Variants in HEXA observed in about 807,000 individuals in gnomAD.
HEXA encodes hexosaminidase subunit alpha.
Under a neutral mutation model 73.3 loss-of-function variants are expected in HEXA, and 54 were observed. The ratio of observed to expected loss-of-function variants is 0.74; its 90% CI spans 0.59 to 0.92. The LOEUF (loss-of-function observed/expected upper bound fraction) is 0.92. HEXA is among the 40% of genes least tolerant of loss of function. HEXA has a pLI of 0.00. For missense variants in HEXA, 649 were observed against 653.0 expected, an observed-to-expected ratio of 0.99 and a Z score of 0.07; for synonymous variants, 230 against 246.9, an observed-to-expected ratio of 0.93 and a Z score of 0.64.
At chr15:72,351,450 C>A in intron 5 of HEXA, 1 of 614,616 alleles carries the variant, frequency 1.6e-6, no homozygotes, top group Admixed American at 2.6e-5. Context: ...TTTCCCAGAA[C>A]ACATCCAAAG....
chr15:72,363,223 T>G (rs1212674546), intron 1 of HEXA, among the ~76,000 whole-genome samples: 3 of 152,228 alleles, frequency 2.0e-5, no homozygotes, highest in Non-Finnish European at 4.4e-5. Context: ...GGAACTGTGC[T>G]AGGTGCTGGG....
At chr15:72,365,874 A>G (rs576765920) in intron 1 of HEXA, among the ~76,000 whole-genome samples, 8 of 152,238 alleles carry the variant, frequency 5.3e-5, no homozygotes, top group South Asian at 2.1e-4. Flanking sequence ...CCGCCATGTC[A>G]TATCTCTACC....
intron 1 of HEXA, among the ~76,000 whole-genome samples, chr15:72,360,920 T>C (rs765569440): frequency 6.6e-6 from 1 of 152,230 alleles, no homozygotes; most frequent in Non-Finnish European, 1.5e-5. Context: ...GTACCTCCTA[T>C]GTGCTCATGA....
rs76873846 is a variant in HEXA at position 72,350,582 on chromosome 15, C to T, written c.741G>A (p.Arg247=). The T allele has an allele frequency of 3.1e-6, 5 of 1,614,122 alleles. No homozygotes were observed. Among genetic ancestry groups the T allele is most frequent in the East Asian group, 4.5e-5 (2 of 44,886 alleles). Residue 247 remains arginine, a synonymous_variant, in exon 7 of 14, where the codon CGG becomes CGA. Transcript: ENST00000268097. ...CTGCAAGCACACGGATACCCCGGAG[C>T]CGTGCGTATTCAATGACCTCCTTCA... ...QDVKEVIEYA[R]LRGIRVLAEF...
At chr15:72,357,151 A>G in intron 1 of HEXA, 1 of 225,258 alleles carries the variant, frequency 4.4e-6, no homozygotes, top group South Asian at 7.1e-5. Context: ...TCTGGTACAT[A>G]TGCTTCTTAT....
intron 1 of HEXA, chr15:72,357,670 G>C (rs1427365704): frequency 6.6e-6 from 1 of 152,096 alleles, no homozygotes; most frequent in Non-Finnish European, 1.5e-5. Context: ...AGGATGGCCT[G>C]GCAGAAGGCA....
At chr15:72,355,386 C>A in intron 3 of HEXA, 173 bp downstream of exon 3, 1 of 666,710 alleles carries the variant, frequency 1.5e-6, no homozygotes, top group South Asian at 1.5e-5. Flanking sequence ...ATTAGCTGGG[C>A]ATGGTGGCAG....
intron 5 of HEXA, among the ~76,000 whole-genome samples, chr15:72,352,340 G>A (rs2088709608): frequency 6.6e-6 from 1 of 151,490 alleles, no homozygotes; most frequent in Non-Finnish European, 1.5e-5. Flanking sequence ...AGTGACTCAT[G>A]CCTGTAATTC....
chr15:72,364,713 C>T (rs892994933), intron 1 of HEXA, among the ~76,000 whole-genome samples: 1 of 151,978 alleles, frequency 6.6e-6, no homozygotes, highest in African/African-American at 2.4e-5. Context: ...CACATCTTTC[C>T]AACACTAGAA....
chr15:72,353,261 G>T, intron 4 of HEXA, 83 bp from the exon 5 acceptor site: 1 of 851,004 alleles, frequency 1.2e-6, no homozygotes, highest in Non-Finnish European at 2.0e-6. Flanking sequence ...ACTCTCCCAG[G>T]ATTCTTAAAA....
At position 72,343,891 on chromosome 15, in the gene HEXA, A is replaced by G; in HGVS notation, c.*186T>C. On this transcript the variant is annotated 3_prime_UTR_variant, in exon 14 of 14. Transcript: ENST00000268097. ...TAAACACAGGTAATCCATGTTTATT[A>G]TAGAAAAATGCCACATTACTCTTTA... 1.7e-6 allele frequency: 1 copy of G among 584,946 alleles called. No individual in the cohort carries two copies. The highest frequency in any genetic ancestry group is 1.8e-5 in the South Asian group (1 of 54,436). The allele number at this position is 584,946 out of a possible 1,614,324, so 36.2% of individuals were successfully genotyped here.
chr15:72,353,319 C>G (rs1387290929), intron 4 of HEXA, 141 bp from the exon 5 acceptor site: 3 of 703,528 alleles, frequency 4.3e-6, no homozygotes, highest in Non-Finnish European at 7.8e-6. Flanking sequence ...TAAATGCTCC[C>G]CACCTCTATA....
chr15:72,345,089 G>A (rs912571796), intron 13 of HEXA: 5 of 342,318 alleles, frequency 1.5e-5, no homozygotes, highest in Middle Eastern at 1.0e-3. Flanking sequence ...CAGGACCCCC[G>A]TGGATACCAA....
rs955535343 is a variant in HEXA at position 72,375,806 on chromosome 15, G to A, written c.167C>T (p.Pro56Leu). The change falls in exon 1 of 14, where the codon CCC (proline) becomes CTC (leucine). Residue 56 changes from proline (P) to leucine (L), a missense_variant. By Grantham distance (98) the Pro-to-Leu change is moderately conservative (BLOSUM62 -3). Coordinates refer to ENST00000268097, the MANE Select transcript of HEXA (RefSeq NM_000520.6). ...FQYDVSSAAQ[P>L]GCSVLDEAFQ... The stretch of plus-strand genomic sequence containing the variant: ...GGCCTCGTCGAGGACTGAGCAGCCG[G>A]GCTGCGCGGCCGAGCTGACATCGTA... 6 of 1,614,148 alleles carry A rather than the reference G, an allele frequency of 3.7e-6. No homozygotes were observed. The highest frequency in any genetic ancestry group is 4.2e-6 in the Non-Finnish European group (5 of 1,180,062).
Position 72,356,578 on chromosome 15 carries a change from G to A in HEXA, c.293C>T (p.Ser98Phe), listed in dbSNP as rs2088784295. Residue 98 changes from serine (S) to phenylalanine (F), a missense_variant, in exon 2 of 14, where the codon TCT becomes TTT. By Grantham distance (155) the Ser-to-Phe change is radical (BLOSUM62 -2). Transcript: ENST00000268097. ...HTLEKNVLVV[S>F]VVTPGCNQLP... is the part of the protein sequence containing the mutation. The stretch of plus-strand genomic sequence containing the variant: ...CTGGTTACATCCAGGTGTGACTACA[G>A]AGACAACCAACACATTCTTCTCCAG... 1 of 1,614,024 alleles carries A rather than the reference G, an allele frequency of 6.2e-7. No homozygotes were observed.
chr15:72,375,627 A>G (rs544733115), intron 1 of HEXA, 93 bp downstream of exon 1: 1 of 1,452,912 alleles, frequency 6.9e-7, no homozygotes, highest in Non-Finnish European at 9.5e-7. Flanking sequence ...GGGCTGGACA[A>G]AAGCCCATAG....
In HEXA at chr15:72,369,307, C is replaced by T. The variant is rs74849297; in HGVS notation, c.253+6413G>A. 8.0e-3 allele frequency among the ~76,000 whole-genome samples: 1,216 copies of T among 152,336 alleles called. 9 individuals are homozygous for T. Among genetic ancestry groups the T allele is most frequent in the Non-Finnish European group, 0.014 (925 of 68,032 alleles). On this transcript the variant is annotated intron_variant, in intron 1 of 13. Transcript: ENST00000268097. Reference sequence around the variant, plus strand: ...TAAACATGTAAACCTTGAGACAGCTCACACCACAGAAAACTCTTCACACAT... The same window carrying T: ...TAAACATGTAAACCTTGAGACAGCTTACACCACAGAAAACTCTTCACACAT...
intron 10 of HEXA, 88 bp from the exon 11 acceptor site, chr15:72,346,798 G>C: frequency 8.3e-7 from 1 of 1,210,284 alleles, no homozygotes; most frequent in Non-Finnish European, 1.2e-6. Flanking sequence ...GGGACAACAG[G>C]TATGTGCTCC....
At chr15:72,363,957 A>C (rs920682215) in intron 1 of HEXA, among the ~76,000 whole-genome samples, 1 of 152,160 alleles carries the variant, frequency 6.6e-6, no homozygotes, top group Non-Finnish European at 1.5e-5. Flanking sequence ...ATTAATTTTT[A>C]AAATAAAAAT....
Sources: allele counts gnomAD v4.1 joint callset (sites outside exome capture counted in the v4.1 genomes callset), GRCh38; gene constraint gnomAD v4.1.1; transcripts MANE v1.5; gene names NCBI Gene and HGNC (gene_info 2026-07-23, HGNC 2026-07-21).